Variants in SYNDIG1 observed in about 807,000 individuals in gnomAD.
SYNDIG1 encodes synapse differentiation inducing 1.
Under a neutral mutation model 19.4 loss-of-function variants are expected in SYNDIG1, and 9 were observed. That is an observed-to-expected ratio of 0.46 (90% CI 0.28 to 0.81). The LOEUF (loss-of-function observed/expected upper bound fraction) is 0.81, where lower values mean the gene tolerates loss of function less well. Ranked by LOEUF, SYNDIG1 falls within the 30% of genes least tolerant of loss-of-function variation. The pLI is 0.12. For missense variants in SYNDIG1, 311 were observed against 343.3 expected (o/e 0.91, Z 0.74); for synonymous variants, 141 against 145.9 (o/e 0.97, Z 0.24).
At chr20:24,539,242 G>A (rs527784712) in intron 1 of SYNDIG1, among the ~76,000 whole-genome samples, 4 of 152,218 alleles carry the variant, frequency 2.6e-5, no homozygotes, top group East Asian at 1.9e-4. Flanking sequence ...TTACATTTAG[G>A]TGATTGATTT....
chr20:24,600,700 C>T (rs1332947418), intron 3 of SYNDIG1, among the ~76,000 whole-genome samples: 1 of 151,446 alleles, frequency 6.6e-6, no homozygotes, highest in African/African-American at 2.4e-5. Flanking sequence ...CTGCAACCTC[C>T]ACCTCCCAGG....
intron 1 of SYNDIG1, among the ~76,000 whole-genome samples, chr20:24,527,119 C>T (rs1391736438): frequency 6.6e-6 from 1 of 152,190 alleles, no homozygotes; most frequent in Non-Finnish European, 1.5e-5. Context: ...ATTTCTGAGA[C>T]TCCCATTAGA....
Position 24,598,134 on chromosome 20 carries a change from C to T in SYNDIG1, c.618+13141C>T, listed in dbSNP as rs74914388. 7.6e-3 allele frequency among the ~76,000 whole-genome samples: 1,160 copies of T among 152,296 alleles called. 5 individuals are homozygous for T. The highest frequency in any genetic ancestry group is 0.017 in the Middle Eastern group (5 of 294). ...AGCAAGCCTTCGCTGGCCACAGCTCCAGTTCTCTGTTGAGCCAAGAAATGC... is the reference window on the plus strand; with the variant it reads ...AGCAAGCCTTCGCTGGCCACAGCTCTAGTTCTCTGTTGAGCCAAGAAATGC... On this transcript the variant is annotated intron_variant, in intron 3 of 3. Transcript: ENST00000376862.
intron 3 of SYNDIG1, chr20:24,597,138 A>T (rs369615588): frequency 1.3e-5 from 2 of 152,352 alleles, no homozygotes; most frequent in Admixed American, 6.5e-5. Context: ...GTCCTTTTCC[A>T]TGGTCCTCTT....
In SYNDIG1 at chr20:24,608,115, T is replaced by G. The variant is rs2058786485; in HGVS notation, c.618+23122T>G. On this transcript the variant is annotated intron_variant, in intron 3 of 3. Coordinates refer to ENST00000376862, the MANE Select transcript of SYNDIG1 (RefSeq NM_024893.3). The stretch of plus-strand genomic sequence containing the variant: ...AGATATTTTAATTATAAAGATATGA[T>G]CTATCAATGCTTTCTAGAGTATAAA... 2.0e-5 allele frequency among the ~76,000 whole-genome samples: 3 copies of G among 152,154 alleles called. No individual in the cohort carries two copies. In the South Asian group the frequency reaches 6.2e-4, roughly 31 times the overall value.
At chr20:24,556,260 A>G (rs926511812) in intron 2 of SYNDIG1, among the ~76,000 whole-genome samples, 28 of 152,188 alleles carry the variant, frequency 1.8e-4, no homozygotes, top group African/African-American at 6.5e-4. Context: ...TCTTTATCCA[A>G]TTTGCCAGTC....
At chr20:24,531,731 A>C (rs1268646182) in intron 1 of SYNDIG1, among the ~76,000 whole-genome samples, 1 of 152,194 alleles carries the variant, frequency 6.6e-6, no homozygotes, top group Non-Finnish European at 1.5e-5. Context: ...CCCCTGGAGC[A>C]GGCTGGCCTT....
chr20:24,493,243 C>T (rs537936350), intron 1 of SYNDIG1, among the ~76,000 whole-genome samples: 3 of 152,360 alleles, frequency 2.0e-5, no homozygotes, highest in Admixed American at 1.3e-4. Flanking sequence ...ACTCACTTTC[C>T]TAGTTGTGGG....
At chr20:24,500,606 A>T (rs759843611) in intron 1 of SYNDIG1, among the ~76,000 whole-genome samples, 1 of 143,654 alleles carries the variant, frequency 7.0e-6, no homozygotes, top group Non-Finnish European at 1.5e-5. Context: ...AATTCAAGTG[A>T]TGTGTGCCAT....
intron 3 of SYNDIG1, among the ~76,000 whole-genome samples, chr20:24,621,017 T>C (rs988022046): frequency 6.6e-6 from 1 of 152,174 alleles, no homozygotes; most frequent in African/African-American, 2.4e-5. Context: ...CTGATGGAGA[T>C]AAAAGGGCTA....
At chr20:24,624,199 TGAGCC>T (rs1293578068) in intron 3 of SYNDIG1, among the ~76,000 whole-genome samples, 13 of 141,990 alleles carry the variant, frequency 9.2e-5, no homozygotes, top group Admixed American at 4.5e-4. Flanking sequence ...GAGCTTGCAA[TGAGCC>T]GAGATCCTGC....
chr20:24,642,217 G>T (rs2059384963), intron 3 of SYNDIG1, among the ~76,000 whole-genome samples: 2 of 152,296 alleles, frequency 1.3e-5, no homozygotes, highest in Middle Eastern at 6.8e-3. Context: ...GCAGAGCACT[G>T]ATCGGGTACA....
At chr20:24,510,089 A>G (rs2055396211) in intron 1 of SYNDIG1, among the ~76,000 whole-genome samples, 1 of 152,186 alleles carries the variant, frequency 6.6e-6, no homozygotes, top group South Asian at 2.1e-4. Flanking sequence ...CCTCCCCAGA[A>G]GCTGAGCAAA....
At chr20:24,538,484 A>G (rs2057405289) in intron 1 of SYNDIG1, among the ~76,000 whole-genome samples, 1 of 147,448 alleles carries the variant, frequency 6.8e-6, no homozygotes, top group South Asian at 2.2e-4. Flanking sequence ...TAGATAGCAC[A>G]TTTTGCTTAT....
Position 24,626,944 on chromosome 20 carries a change from C to T in SYNDIG1, c.619-38402C>T, listed in dbSNP as rs920715432. On this transcript the variant is annotated intron_variant, in intron 3 of 3. Transcript: ENST00000376862. ...TACGAAAACCAGTCAGGCGTGGCGGCGCGCGCCTGCAATCGCAGGCACTCG... is the reference window on the plus strand; with the variant it reads ...TACGAAAACCAGTCAGGCGTGGCGGTGCGCGCCTGCAATCGCAGGCACTCG... Among the ~76,000 whole-genome samples, 75 of 152,072 alleles carry T rather than the reference C, an allele frequency of 4.9e-4. 1 individual carries two copies. The highest frequency in any genetic ancestry group is 4.8e-3 in the Admixed American group (73 of 15,276).
chr20:24,524,342 C>T (rs1055685524), intron 1 of SYNDIG1, among the ~76,000 whole-genome samples: 1 of 152,106 alleles, frequency 6.6e-6, no homozygotes, highest in Admixed American at 6.6e-5. Context: ...TACTGTTACG[C>T]TTTAAAATTA....
intron 1 of SYNDIG1, among the ~76,000 whole-genome samples, chr20:24,540,975 T>G (rs1446483204): frequency 6.6e-6 from 1 of 152,198 alleles, no homozygotes; most frequent in Admixed American, 6.5e-5. Flanking sequence ...CTGGTATTAG[T>G]TCTTTAAATG....
intron 1 of SYNDIG1, among the ~76,000 whole-genome samples, chr20:24,536,904 G>A (rs1026557222): frequency 6.6e-6 from 1 of 152,142 alleles, no homozygotes; most frequent in Non-Finnish European, 1.5e-5. Flanking sequence ...TTCCTGGAGG[G>A]CATCACACCC....
chr20:24,565,763 G>A (rs367616267), intron 2 of SYNDIG1, among the ~76,000 whole-genome samples: 127 of 152,146 alleles, frequency 8.3e-4, no homozygotes, highest in Middle Eastern at 3.4e-3. Context: ...TCCTTCCCCC[G>A]CTTCACAGCC....
Sources: allele counts gnomAD v4.1 joint callset (sites outside exome capture counted in the v4.1 genomes callset), GRCh38; gene constraint gnomAD v4.1.1; transcripts MANE v1.5; gene names NCBI Gene and HGNC (gene_info 2026-07-23, HGNC 2026-07-21).